The following RAC2 variants were observed in gnomAD, a reference collection of about 807,000 sequenced individuals.
RAC2 encodes ras-related C3 botulinum toxin substrate 2.
In RAC2, 1 loss-of-function variant was observed where a neutral mutation model predicts 24.0. The ratio of observed to expected loss-of-function variants is 0.04; its 90% confidence interval spans 0.01 to 0.20. The LOEUF is 0.20. Ranked by LOEUF, RAC2 falls within the 10% of genes least tolerant of loss-of-function variation. The probability of loss-of-function intolerance (pLI) is 1.00; values close to 1 mark genes in which losing one functional copy is unlikely to be tolerated. For missense variants in RAC2, 130 were observed against 259.1 expected (o/e 0.50, Z 3.42); for synonymous variants, 114 against 106.8 (o/e 1.07, Z -0.41).
intron 2 of RAC2, 40 bp downstream of exon 2, chr22:37,241,547 T>TC: frequency 4.4e-6 from 7 of 1,581,124 alleles, no homozygotes; most frequent in Non-Finnish European, 6.1e-6. Flanking sequence ...TGACGGTCTC[T>TC]CCCCTCCTCC....
chr22:37,233,899 G>A (rs1029810090), intron 2 of RAC2, among the ~76,000 whole-genome samples: 1 of 152,132 alleles, frequency 6.6e-6, no homozygotes, highest in African/African-American at 2.4e-5. Context: ...CAGGGAAAGA[G>A]GGCTGCTTCC....
At chr22:37,235,006 T>C (rs908193249) in intron 2 of RAC2, among the ~76,000 whole-genome samples, 6 of 152,184 alleles carry the variant, frequency 3.9e-5, no homozygotes, top group African/African-American at 7.2e-5. Flanking sequence ...CTTCAAGGGC[T>C]GTGGGTTCTG....
chr22:37,237,938 C>CG (rs1170427780), intron 2 of RAC2, among the ~76,000 whole-genome samples: 3 of 151,112 alleles, frequency 2.0e-5, no homozygotes, highest in Non-Finnish European at 4.4e-5. Flanking sequence ...AGGTTGGAGA[C>CG]GGGGGGCTGC....
At chr22:37,240,362 C>A (rs1463590128) in intron 2 of RAC2, among the ~76,000 whole-genome samples, 1 of 152,258 alleles carries the variant, frequency 6.6e-6, no homozygotes, top group African/African-American at 2.4e-5. Context: ...ACCGTGTAAG[C>A]CTGGGAGGCA....
chr22:37,241,368 TC>T (rs1286805719), intron 2 of RAC2, among the ~76,000 whole-genome samples: 1 of 152,120 alleles, frequency 6.6e-6, no homozygotes, highest in African/African-American at 2.4e-5. Flanking sequence ...CCTCCTCCCT[TC>T]TACCCCTTCC....
chr22:37,232,666 G>T lies in RAC2; in HGVS notation c.225+135C>A, dbSNP rs542821680. 400 of 727,896 alleles carry T rather than the reference G, an allele frequency of 5.5e-4. 1 individual carries two copies. The African/African-American group carries it at 6.2e-3, about 11-fold the overall frequency. The allele number at this position is 727,896 out of a possible 1,614,324, so 45.1% of individuals were successfully genotyped here. A position where few individuals can be genotyped will look rare whatever the true frequency, so the allele number is the denominator to read the frequency against. On this transcript the variant is annotated intron_variant, in intron 3 of 6. Transcript: ENST00000249071. ...CCCTTCTCTGCCTGGGACATGCAAGGCAGGCAGACTCCCTGAGCTGGGCCT... is the reference window on the plus strand; with the variant it reads ...CCCTTCTCTGCCTGGGACATGCAAGTCAGGCAGACTCCCTGAGCTGGGCCT...
At chr22:37,228,459 C>T (rs938181799) in intron 5 of RAC2, among the ~76,000 whole-genome samples, 6 of 152,232 alleles carry the variant, frequency 3.9e-5, no homozygotes, top group Non-Finnish European at 7.3e-5. Context: ...CACAAAACCC[C>T]TTCTGCCGAG....
At chr22:37,242,775 T>C (rs1000408201) in intron 1 of RAC2, among the ~76,000 whole-genome samples, 1 of 152,114 alleles carries the variant, frequency 6.6e-6, no homozygotes, top group Non-Finnish European at 1.5e-5. Context: ...GGTGGACAAA[T>C]GGGCCCGCCC....
chr22:37,241,553 C>T, intron 2 of RAC2, 34 bp downstream of exon 2: 2 of 1,593,574 alleles, frequency 1.3e-6, no homozygotes, highest in Non-Finnish European at 1.7e-6. Flanking sequence ...TCTCTCCCCT[C>T]CTCCCACCAC....
chr22:37,243,081 C>T (rs892184351), intron 1 of RAC2, among the ~76,000 whole-genome samples: 4 of 152,218 alleles, frequency 2.6e-5, no homozygotes, highest in Admixed American at 6.5e-5. Context: ...TCACTGCAGC[C>T]TCAAACTCCC....
chr22:37,230,149 C>G (rs1927012265), intron 5 of RAC2, among the ~76,000 whole-genome samples: 1 of 151,972 alleles, frequency 6.6e-6, no homozygotes, highest in South Asian at 2.1e-4. Flanking sequence ...CTGAGGCCCC[C>G]GGGGAAGATG....
intron 5 of RAC2, 49 bp from the exon 6 acceptor site, chr22:37,226,852 G>T (rs768357934): frequency 1.2e-6 from 2 of 1,604,934 alleles, no homozygotes; most frequent in Non-Finnish European, 1.7e-6. Context: ...GGCGGGGGGG[G>T]TTCTGGGCCA....
chr22:37,226,455 C>T (rs959309215), intron 6 of RAC2, among the ~76,000 whole-genome samples: 1 of 152,090 alleles, frequency 6.6e-6, no homozygotes, highest in African/African-American at 2.4e-5. Flanking sequence ...GGTTACCAGG[C>T]ATTCATTCAT....
chr22:37,237,367 G>A (rs1927262007), intron 2 of RAC2, among the ~76,000 whole-genome samples: 1 of 152,124 alleles, frequency 6.6e-6, no homozygotes, highest in South Asian at 2.1e-4. Context: ...GAAGGCAGCT[G>A]GAGGTGTCAC....
chr22:37,240,940 T>A (rs1927369261), intron 2 of RAC2: 1 of 694,264 alleles, frequency 1.4e-6, no homozygotes, highest in Admixed American at 2.1e-5. Context: ...TAATGGGTAA[T>A]AAGGCCAGGT....
chr22:37,244,109 C>T lies in RAC2; in HGVS notation c.35+5G>A. ...GGCTGTGAGGAAGTCCAGCCAGGTACCTACCCATCTCCCACCACCACACAC... is the reference window on the plus strand; with the variant it reads ...GGCTGTGAGGAAGTCCAGCCAGGTATCTACCCATCTCCCACCACCACACAC... On this transcript the variant is annotated splice_donor_5th_base_variant and intron_variant, in intron 1 of 6. Transcript: ENST00000249071. 2 of 1,614,186 alleles carry T rather than the reference C, an allele frequency of 1.2e-6. No individual in the cohort carries two copies. The highest frequency in any genetic ancestry group is 8.5e-7 in the Non-Finnish European group (1 of 1,180,004).
At chr22:37,226,880 T>C in intron 5 of RAC2, 77 bp from the exon 6 acceptor site, 3 of 1,564,252 alleles carry the variant, frequency 1.9e-6, no homozygotes, top group East Asian at 2.3e-5. Flanking sequence ...TCCTATGCCA[T>C]ACAACCCCTT....
rs748613308 is a variant in RAC2, at chr22:37,232,830, G to A, written c.196C>T (p.Arg66Cys). The A allele has an allele frequency of 3.7e-6, 6 of 1,613,970 alleles. No homozygotes were observed. The highest frequency in any genetic ancestry group is 1.1e-5 in the South Asian group (1 of 91,082). Residue 66 changes from arginine (R) to cysteine (C), a missense_variant, in exon 3 of 7, where the codon CGT becomes TGT. Physicochemically the swap from Arg to Cys is radical, Grantham distance 180. Transcript: ENST00000249071. ...WDTAGQEDYD[R>C]LRPLSYPQTD... ...TGTGGATAGGAGAGCGGCCGGAGAC[G>A]GTCGTAGTCCTCCTGCCCAGCAGTG... is the stretch of plus-strand genomic sequence containing the variant.
intron 2 of RAC2, among the ~76,000 whole-genome samples, chr22:37,238,824 C>T (rs530771340): frequency 2.0e-5 from 3 of 152,348 alleles, no homozygotes; most frequent in South Asian, 4.1e-4. Context: ...TGCAGCCCCA[C>T]GAGTCCTGGC....
Sources: gnomAD v4.1 joint callset for allele counts (sites outside exome capture counted in the v4.1 genomes callset) on GRCh38, gnomAD v4.1.1 for gene constraint, MANE v1.5 for transcripts, NCBI Gene and HGNC (gene_info 2026-07-23, HGNC 2026-07-21) for gene names.